ASTN2: variants seen among roughly 807,000 people sequenced by gnomAD.
ASTN2 encodes astrotactin-2.
A neutral mutation model predicts 139.8 loss-of-function variants in ASTN2; 54 were observed. The observed-to-expected ratio is 0.39, with a 90% CI of 0.31 to 0.48. The LOEUF is 0.48. Ranked by LOEUF, ASTN2 falls within the 20% of genes least tolerant of loss-of-function variation. The probability of loss-of-function intolerance (pLI) is 0.95; values close to 1 mark genes in which losing one functional copy is unlikely to be tolerated. For missense variants in ASTN2, 1,565 were observed against 1,725.1 expected, an observed-to-expected ratio of 0.91 and a Z score of 1.64; for synonymous variants, 756 against 719.5, an observed-to-expected ratio of 1.05 and a Z score of -0.81.
rs560568769 is a variant in ASTN2, at chr9:116,887,815, G to A, written c.1890-24082C>T. On this transcript the variant is annotated intron_variant, in intron 10 of 22. Coordinates refer to ENST00000313400, the MANE Select transcript of ASTN2 (RefSeq NM_001365068.1). ...CCCAAGAAGCTGGGACTACAGGCCC[G>A]TACCACCACATCCAGCTAAGTTTTA... is the stretch of plus-strand genomic sequence containing the variant. 3.3e-5 allele frequency among the ~76,000 whole-genome samples: 5 copies of A among 151,968 alleles called. No individual in the cohort carries two copies. The East Asian group carries it at 7.8e-4, about 24-fold the overall frequency.
At chr9:117,005,429 A>T (rs765598277) in intron 7 of ASTN2, among the ~76,000 whole-genome samples, 3 of 151,930 alleles carry the variant, frequency 2.0e-5, no homozygotes, top group Non-Finnish European at 2.9e-5. Flanking sequence ...AATTTTTTCC[A>T]TCAGAAGTAG....
chr9:117,323,361 C>A (rs1326080118), intron 1 of ASTN2, among the ~76,000 whole-genome samples: 1 of 151,600 alleles, frequency 6.6e-6, no homozygotes, highest in Non-Finnish European at 1.5e-5. Context: ...AAGACTACCA[C>A]CACCACCACT....
At chr9:116,613,838 C>T (rs1469837301) in intron 19 of ASTN2, among the ~76,000 whole-genome samples, 1 of 152,168 alleles carries the variant, frequency 6.6e-6, no homozygotes, top group Non-Finnish European at 1.5e-5. Flanking sequence ...CCCTCTCTCA[C>T]CACTCCTATT....
chr9:117,045,403 G>A (rs1838704565), intron 5 of ASTN2, among the ~76,000 whole-genome samples: 1 of 151,852 alleles, frequency 6.6e-6, no homozygotes, highest in African/African-American at 2.4e-5. Flanking sequence ...TACTTGCAGG[G>A]GAATAAGCTG....
At chr9:116,819,200 C>T (rs1831414860) in intron 12 of ASTN2, among the ~76,000 whole-genome samples, 3 of 152,138 alleles carry the variant, frequency 2.0e-5, no homozygotes, top group Admixed American at 1.3e-4. Context: ...TTATTTACCA[C>T]AGAAGAACAG....
intron 4 of ASTN2, among the ~76,000 whole-genome samples, chr9:117,121,734 G>C (rs549309052): frequency 1.3e-5 from 2 of 152,208 alleles, no homozygotes; most frequent in African/African-American, 4.8e-5. Flanking sequence ...TCATCTCATT[G>C]TTCTGCTGGC....
chr9:116,767,532 T>C (rs1829842599), intron 13 of ASTN2, among the ~76,000 whole-genome samples: 1 of 152,176 alleles, frequency 6.6e-6, no homozygotes, highest in African/African-American at 2.4e-5. Context: ...CAGCTCCTAA[T>C]AGCACAGTAA....
chr9:116,469,576 C>T (rs1236186898), intron 20 of ASTN2, among the ~76,000 whole-genome samples: 2 of 152,190 alleles, frequency 1.3e-5, no homozygotes. Context: ...CCCTCAGTGA[C>T]TTTGGCCAAT....
intron 3 of ASTN2, among the ~76,000 whole-genome samples, chr9:117,171,304 A>G (rs955288367): frequency 6.6e-6 from 1 of 152,152 alleles, no homozygotes; most frequent in Admixed American, 6.6e-5. Flanking sequence ...CAAAGAGTAA[A>G]GGCTCCAGAG....
Position 116,631,434 on chromosome 9 carries a change from G to A in ASTN2, c.3073-10991C>T, listed in dbSNP as rs10983281. On this transcript the variant is annotated intron_variant, in intron 17 of 22. Coordinates refer to ENST00000313400, the MANE Select transcript of ASTN2 (RefSeq NM_001365068.1). ...TTACAGCCACAGGAATAGAACTGGAGGTAATTATGTTATATGAAATAAGCC... is the reference window on the plus strand; with the variant it reads ...TTACAGCCACAGGAATAGAACTGGAAGTAATTATGTTATATGAAATAAGCC... 0.019 allele frequency among the ~76,000 whole-genome samples: 2,919 copies of A among 152,230 alleles called. 400 individuals carry two copies. The South Asian group carries it at 0.29, about 15-fold the overall frequency.
chr9:116,507,773 C>T (rs183110601), intron 19 of ASTN2, among the ~76,000 whole-genome samples: 2 of 152,300 alleles, frequency 1.3e-5, no homozygotes, highest in African/African-American at 4.8e-5. Flanking sequence ...TCCTCAGGTC[C>T]CCATTTCATG....
In ASTN2 at chr9:117,377,165, G is replaced by A. The variant is rs528276078; in HGVS notation, c.442+37332C>T. Among the ~76,000 whole-genome samples, 85 of 152,308 alleles carry A rather than the reference G, an allele frequency of 5.6e-4. 1 individual carries two copies. The highest frequency in any genetic ancestry group is 1.9e-3 in the African/African-American group (77 of 41,580). On this transcript the variant is annotated intron_variant, in intron 1 of 22. Coordinates refer to ENST00000313400, the MANE Select transcript of ASTN2 (RefSeq NM_001365068.1). ...CTTTTGAACTCCTCGGGATTTGGCC[G>A]AAAGCCGAGAGAGGCCAGATGCCAC...
intron 11 of ASTN2, among the ~76,000 whole-genome samples, chr9:116,833,615 A>G (rs1444614102): frequency 6.6e-6 from 1 of 152,020 alleles, no homozygotes; most frequent in Admixed American, 6.5e-5. Flanking sequence ...AACTTGATAC[A>G]TTGTATTTTT....
intron 1 of ASTN2, among the ~76,000 whole-genome samples, chr9:117,369,720 A>G (rs948458988): frequency 6.6e-6 from 1 of 152,168 alleles, no homozygotes; most frequent in African/African-American, 2.4e-5. Flanking sequence ...TACTTGCTAA[A>G]AGAATAAATG....
chr9:116,849,045 C>T (rs751969024), intron 11 of ASTN2, among the ~76,000 whole-genome samples: 2 of 152,084 alleles, frequency 1.3e-5, no homozygotes, highest in Non-Finnish European at 2.9e-5. Context: ...ACTTATGTTC[C>T]CTGGTTTATT....
intron 3 of ASTN2, among the ~76,000 whole-genome samples, chr9:117,194,220 C>T (rs1831429388): frequency 6.6e-6 from 1 of 152,148 alleles, no homozygotes; most frequent in Non-Finnish European, 1.5e-5. Flanking sequence ...CCTCCACCAA[C>T]CCCTCAAACT....
At chr9:117,209,688 A>G (rs1440750834) in intron 3 of ASTN2, among the ~76,000 whole-genome samples, 1 of 152,144 alleles carries the variant, frequency 6.6e-6, no homozygotes, top group Non-Finnish European at 1.5e-5. Flanking sequence ...TTTAAACTTC[A>G]CTATAGACCA....
intron 2 of ASTN2, among the ~76,000 whole-genome samples, chr9:117,288,719 T>C (rs1166913153): frequency 6.6e-6 from 1 of 152,180 alleles, no homozygotes; most frequent in Non-Finnish European, 1.5e-5. Context: ...GTGGCCAGAA[T>C]GACAAGGGTA....
chr9:117,113,449 A>AT (rs1384089841), intron 4 of ASTN2, among the ~76,000 whole-genome samples: 39 of 152,298 alleles, frequency 2.6e-4, no homozygotes, highest in African/African-American at 8.4e-4. Flanking sequence ...TGAGGTCAGA[A>AT]GTTCAAGACC....
Sources: gnomAD v4.1 joint callset for allele counts (sites outside exome capture counted in the v4.1 genomes callset) on GRCh38, gnomAD v4.1.1 for gene constraint, MANE v1.5 for transcripts, NCBI Gene and HGNC (gene_info 2026-07-23, HGNC 2026-07-21) for gene names.